Variants in TGS1 observed in about 807,000 individuals in gnomAD.
The protein encoded by TGS1 is trimethylguanosine synthase 1.
In TGS1, 69 loss-of-function variants were observed where a neutral mutation model predicts 92.2. The ratio of observed to expected loss-of-function variants is 0.75; its 90% CI spans 0.62 to 0.91. The LOEUF is 0.91. Ranked by LOEUF, TGS1 falls within the 40% of genes least tolerant of loss-of-function variation. The probability of loss-of-function intolerance (pLI) is 0.00; values close to 1 mark genes in which losing one functional copy is unlikely to be tolerated. For synonymous variants in TGS1, 345 were observed against 338.1 expected, an observed-to-expected ratio of 1.02 and a Z score of -0.22; for missense variants, 1,062 against 1,001.2, an observed-to-expected ratio of 1.06 and a Z score of -0.82.
At chr8:55,806,280 C>T (rs1478690070) in intron 10 of TGS1, among the ~76,000 whole-genome samples, 4 of 138,244 alleles carry the variant, frequency 2.9e-5, no homozygotes, top group Admixed American at 8.1e-5. Context: ...CGCATGAACC[C>T]GGGAGGTGGA....
chr8:55,814,259 TA>T (rs1215844080), intron 12 of TGS1, among the ~76,000 whole-genome samples: 1 of 152,102 alleles, frequency 6.6e-6, no homozygotes, highest in Non-Finnish European at 1.5e-5. Flanking sequence ...AGTAGCTTTT[TA>T]AAAAAACTAC....
chr8:55,820,487 G>A (rs935499580), intron 12 of TGS1, among the ~76,000 whole-genome samples: 3 of 152,082 alleles, frequency 2.0e-5, no homozygotes, highest in Non-Finnish European at 2.9e-5. Flanking sequence ...GCAGTGAGCC[G>A]AGATCATGCC....
chr8:55,824,991 A>G lies in TGS1; in HGVS notation c.*288A>G. On this transcript the variant is annotated 3_prime_UTR_variant, in exon 13 of 13. Coordinates refer to ENST00000260129, the MANE Select transcript of TGS1 (RefSeq NM_024831.8). ...GGCTGGAGTGCAGTGCCATGATCACAGCTCACTGCAGGTTCAGCCTTCTGA... is the reference window on the plus strand; with the variant it reads ...GGCTGGAGTGCAGTGCCATGATCACGGCTCACTGCAGGTTCAGCCTTCTGA... 1 of 254,080 alleles carries G rather than the reference A, an allele frequency of 3.9e-6. No individual in the cohort carries two copies. Among genetic ancestry groups the G allele is most frequent in the Non-Finnish European group, 7.6e-6 (1 of 131,922 alleles). The allele number at this position is 254,080 out of a possible 1,614,324, so 15.7% of individuals were successfully genotyped here.
chr8:55,800,859 A>C lies in TGS1; in HGVS notation c.1850-1598A>C, dbSNP rs1343822720. Among the ~76,000 whole-genome samples the C allele has an allele frequency of 2.0e-5, 3 of 152,306 alleles. No individual in the cohort carries two copies. The South Asian group carries it at 6.2e-4, about 32-fold the overall frequency. On this transcript the variant is annotated intron_variant, in intron 8 of 12. Coordinates refer to ENST00000260129, the MANE Select transcript of TGS1 (RefSeq NM_024831.8). ...TGAGGACCATTTGAGTGTGTAATGGAGTCTTATTCTTTGTTAGCCATCACC... is the reference window on the plus strand; with the variant it reads ...TGAGGACCATTTGAGTGTGTAATGGCGTCTTATTCTTTGTTAGCCATCACC...
Position 55,796,160 on chromosome 8 carries a change from TA to T in TGS1, c.1542+11del. ...AGCAAAATTCTGAGTAAGGTATGTA[TA>T]AATTTTGTTGCATATTTGTAGATAG... On this transcript the variant is annotated intron_variant, in intron 7 of 12. Coordinates refer to ENST00000260129, the MANE Select transcript of TGS1 (RefSeq NM_024831.8). 6.3e-7 allele frequency: 1 copy of T among 1,590,832 alleles called. No homozygotes were observed. The highest frequency in any genetic ancestry group is 8.6e-7 in the Non-Finnish European group (1 of 1,164,466).
chr8:55,811,678 T>C (rs1803344745), intron 11 of TGS1, among the ~76,000 whole-genome samples: 1 of 151,744 alleles, frequency 6.6e-6, no homozygotes, highest in Non-Finnish European at 1.5e-5. Flanking sequence ...GGAGAATCGC[T>C]TGGACCAGGG....
chr8:55,807,010 A>T (rs1224967911), intron 10 of TGS1, among the ~76,000 whole-genome samples: 1 of 150,128 alleles, frequency 6.7e-6, no homozygotes. Flanking sequence ...CTCACTGCAA[A>T]CTCCGCCTCC....
chr8:55,785,597 G>A, intron 2 of TGS1, 122 bp from the exon 3 acceptor site: 2 of 658,604 alleles, frequency 3.0e-6, no homozygotes, highest in Non-Finnish European at 4.8e-6. Context: ...AAAAAAAATT[G>A]TAACATTTGC....
Position 55,790,235 on chromosome 8 carries a change from G to A in TGS1, c.1216G>A (p.Gly406Ser), listed in dbSNP as rs752240730. 2 of 1,614,064 alleles carry A rather than the reference G, an allele frequency of 1.2e-6. No homozygotes were observed. The highest frequency in any genetic ancestry group is 2.2e-5 in the South Asian group (2 of 91,076). ...NTSKDRPHAS[G>S]TDGDESEEDP... Reference sequence around the variant, plus strand: ...AAGCAAAGACAGACCACATGCCAGTGGTACTGATGGAGATGAAAGTGAGGA... The same window carrying A: ...AAGCAAAGACAGACCACATGCCAGTAGTACTGATGGAGATGAAAGTGAGGA... Residue 406 changes from glycine (G) to serine (S), a missense_variant, in exon 5 of 13, where the codon GGT becomes AGT. Transcript: ENST00000260129.
rs931462364 is a variant in TGS1 at position 55,786,804 on chromosome 8, T to A, written c.906T>A (p.Val302=). Reference sequence around the variant, plus strand: ...CTTTTCCATCTTCACCTATTATGGTTGATAATGATAGCTCTGGTACAAGTG... The same window carrying A: ...CTTTTCCATCTTCACCTATTATGGTAGATAATGATAGCTCTGGTACAAGTG... ...LVSFPSSPIM[V]DNDSSGTSDK... The change falls in exon 4 of 13, where the codon GTT becomes GTA. Residue 302 remains valine (V), a synonymous_variant. Coordinates refer to ENST00000260129, the MANE Select transcript of TGS1 (RefSeq NM_024831.8). The A allele has an allele frequency of 3.7e-6, 6 of 1,614,042 alleles. No individual in the cohort carries two copies. The African/African-American group carries it at 8.0e-5, about 22-fold the overall frequency.
intron 6 of TGS1, among the ~76,000 whole-genome samples, chr8:55,793,733 AATTTATTTATTT>A (rs143163863): frequency 0.15 from 21,883 of 144,854 alleles, 1,862 homozygotes; most frequent in Middle Eastern, 0.19. Context: ...ATGCCCTGCT[AATTTATTTATTT>A]ATTTATTTAT....
intron 2 of TGS1, 118 bp downstream of exon 2, chr8:55,782,930 ATAAT>A: frequency 1.5e-6 from 1 of 652,874 alleles, no homozygotes; most frequent in East Asian, 3.0e-5. Context: ...TAAATGCCAA[ATAAT>A]TCTGTAATCA....
intron 12 of TGS1, among the ~76,000 whole-genome samples, chr8:55,822,696 C>CA (rs988922643): frequency 1.4e-4 from 21 of 147,652 alleles, no homozygotes; most frequent in East Asian, 5.9e-4. Flanking sequence ...GTATTCCTTA[C>CA]AAAAAAAAAT....
At chr8:55,813,237 C>A (rs1422494350) in intron 12 of TGS1, 119 bp downstream of exon 12, 1 of 680,664 alleles carries the variant, frequency 1.5e-6, no homozygotes. Flanking sequence ...GACTCACTGA[C>A]TATTCTTAGA....
At chr8:55,822,744 G>A (rs1047448428) in intron 12 of TGS1, among the ~76,000 whole-genome samples, 14 of 151,840 alleles carry the variant, frequency 9.2e-5, no homozygotes, top group African/African-American at 3.1e-4. Context: ...AAGGAATACT[G>A]TATTTGACTT....
At chr8:55,793,366 C>G (rs1028177441) in intron 6 of TGS1, among the ~76,000 whole-genome samples, 1 of 152,108 alleles carries the variant, frequency 6.6e-6, no homozygotes, top group African/African-American at 2.4e-5. Context: ...GTGGTGCATG[C>G]TTGTGTTTCC....
intron 4 of TGS1, among the ~76,000 whole-genome samples, chr8:55,787,445 G>A (rs1230175645): frequency 6.6e-6 from 1 of 152,148 alleles, no homozygotes; most frequent in Non-Finnish European, 1.5e-5. Flanking sequence ...TGAGTCATAT[G>A]TGGAATTCAC....
chr8:55,804,623 A>G (rs904967851), intron 9 of TGS1, among the ~76,000 whole-genome samples: 2 of 152,178 alleles, frequency 1.3e-5, no homozygotes, highest in Admixed American at 1.3e-4. Context: ...TCAAAATTGT[A>G]AATTCAGTTA....
In TGS1 at chr8:55,785,856, C is replaced by G; in HGVS notation, c.304C>G (p.Gln102Glu). Residue 102 changes from glutamine to glutamate, a missense_variant, in exon 3 of 13, where the codon CAA (glutamine) becomes GAA (glutamate). Transcript: ENST00000260129. The part of the protein sequence containing the change: ...ELMRSMGLPL[Q>E]FGRITAHKDF... ...CATGAGAAGTATGGGATTGCCACTT[C>G]AATTTGGTAGGATAACTGCACATAA... 6.2e-7 allele frequency: 1 copy of G among 1,612,228 alleles called. No individual in the cohort carries two copies. The highest frequency in any genetic ancestry group is 8.5e-7 in the Non-Finnish European group (1 of 1,179,348).
Sources: allele counts gnomAD v4.1 joint callset (sites outside exome capture counted in the v4.1 genomes callset), GRCh38; gene constraint gnomAD v4.1.1; transcripts MANE v1.5; gene names NCBI Gene and HGNC (gene_info 2026-07-23, HGNC 2026-07-21).